Variants in ACP7 observed in about 807,000 individuals in gnomAD.
ACP7 encodes the protein acid phosphatase type 7.
In ACP7, 58 loss-of-function variants were observed where a neutral mutation model predicts 60.6. The ratio of observed to expected loss-of-function variants is 0.96; its 90% CI spans 0.77 to 1.19. The LOEUF (loss-of-function observed/expected upper bound fraction) is 1.19, where lower values mean the gene tolerates loss of function less well. ACP7 is among the 50% of genes most tolerant of loss of function. The pLI is 0.00. For synonymous variants in ACP7, 237 were observed against 232.6 expected (o/e 1.02, Z -0.17); for missense variants, 574 against 596.2 (o/e 0.96, Z 0.39).
upstream of ACP7, among the ~76,000 whole-genome samples, chr19:39,084,130 C>T (rs1252873689): frequency 6.6e-6 from 1 of 151,982 alleles, no homozygotes; most frequent in African/African-American, 2.4e-5. Flanking sequence ...GGTGGCGCGC[C>T]GGAGACGTAT....
rs753551118 is a variant in ACP7, at chr19:39,085,269, C to G, written c.-1C>G. On this transcript the variant is annotated 5_prime_UTR_variant, in exon 2 of 13. Coordinates refer to ENST00000331256, the MANE Select transcript of ACP7 (RefSeq NM_001004318.3). ...CGGTCTGCCATCACCACCCCACCAC[C>G]ATGCACCCCCTTCCTGGCTACTGGT... 5.0e-6 allele frequency: 8 copies of G among 1,611,920 alleles called. 1 individual carries two copies. The South Asian group carries it at 8.8e-5, about 18-fold the overall frequency.
At chr19:39,108,038 G>A (rs2073430366) in intron 12 of ACP7, among the ~76,000 whole-genome samples, 1 of 152,068 alleles carries the variant, frequency 6.6e-6, no homozygotes, top group Admixed American at 6.6e-5. Context: ...GCAACAGAGT[G>A]AGACCCTAAC....
intron 12 of ACP7, among the ~76,000 whole-genome samples, chr19:39,107,576 C>T (rs1375726908): frequency 1.5e-5 from 1 of 65,434 alleles, no homozygotes; most frequent in East Asian, 3.5e-4. Context: ...AAGACTCTGT[C>T]TCAAAAAAAA....
rs11670186 is a variant in ACP7, at chr19:39,110,530, G to A, written c.*412G>A. 0.21 allele frequency: 35,512 copies of A among 167,556 alleles called. 4,663 individuals are homozygous for A. The highest frequency in any genetic ancestry group is 0.41 in the East Asian group (2,342 of 5,742). 10.4% of individuals were successfully genotyped at this position (167,556 alleles called of 1,614,324 possible). ...ACCTGGCAAGGGCATCGCCAGGTGGGCACAACCGTCATGACACTACTCACC... is the reference window on the plus strand; with the variant it reads ...ACCTGGCAAGGGCATCGCCAGGTGGACACAACCGTCATGACACTACTCACC... On this transcript the variant is annotated 3_prime_UTR_variant, in exon 13 of 13. Coordinates refer to ENST00000331256, the MANE Select transcript of ACP7 (RefSeq NM_001004318.3).
chr19:39,099,013 C>T lies in ACP7; in HGVS notation c.376C>T (p.Leu126Phe). The stretch of plus-strand genomic sequence containing the variant: ...GAGCCGTCGGTTCCGCTTCAGGGCC[C>T]TCAAGAATGGGGCCCACTGGAGTCC... ...GWSRRFRFRA[L>F]KNGAHWSPRL... The change falls in exon 4 of 13, where the codon CTC (leucine) becomes TTC (phenylalanine). Residue 126 changes from leucine to phenylalanine, a missense_variant. By Grantham distance (22) the Leu-to-Phe change is conservative. Coordinates refer to ENST00000331256, the MANE Select transcript of ACP7 (RefSeq NM_001004318.3). 2 of 1,613,692 alleles carry T rather than the reference C, an allele frequency of 1.2e-6. No individual in the cohort carries two copies. Among genetic ancestry groups the T allele is most frequent in the South Asian group, 1.1e-5 (1 of 91,072 alleles).
At chr19:39,106,126 CCT>C (rs2073408615) in intron 11 of ACP7, among the ~76,000 whole-genome samples, 1 of 152,184 alleles carries the variant, frequency 6.6e-6, no homozygotes, top group Admixed American at 6.6e-5. Flanking sequence ...ACCCTGGCAT[CCT>C]CTCTGCTCCT....
rs979320021 is a variant in ACP7 at position 39,099,247 on chromosome 19, C to G, written c.505+105C>G. 25 of 1,245,558 alleles carry G rather than the reference C, an allele frequency of 2.0e-5. No homozygotes were observed. The African/African-American group carries it at 2.7e-4, about 14-fold the overall frequency. The allele number at this position is 1,245,558 out of a possible 1,614,324, so 77.2% of individuals were successfully genotyped here. ...CGCGGGTCGGGGGCGGTGCTAGGACCGTGGAGGGGACAGGGCTGGGGCCAG... is the reference window on the plus strand; with the variant it reads ...CGCGGGTCGGGGGCGGTGCTAGGACGGTGGAGGGGACAGGGCTGGGGCCAG... On this transcript the variant is annotated intron_variant, in intron 4 of 12. Coordinates refer to ENST00000331256, the MANE Select transcript of ACP7 (RefSeq NM_001004318.3).
Position 39,110,379 on chromosome 19 carries a change from C to A in ACP7, c.*261C>A. 1 of 516,470 alleles carries A rather than the reference C, an allele frequency of 1.9e-6. No homozygotes were observed. The highest frequency in any genetic ancestry group is 3.5e-6 in the Non-Finnish European group (1 of 289,186). 32.0% of individuals were successfully genotyped at this position (516,470 alleles called of 1,614,324 possible). ...GCAGGTTTCTGCTGGCAGGGCCCCA[C>A]CCTCCTGCATAGCTCTGATCGGGCG... On this transcript the variant is annotated 3_prime_UTR_variant, in exon 13 of 13. Transcript: ENST00000331256.
At chr19:39,093,049 A>T (rs1326663638) in intron 2 of ACP7, among the ~76,000 whole-genome samples, 1 of 151,652 alleles carries the variant, frequency 6.6e-6, no homozygotes, top group Non-Finnish European at 1.5e-5. Flanking sequence ...AAGTGCTGGG[A>T]TTACAGGCGT....
At chr19:39,108,058 A>T (rs1027660140) in intron 12 of ACP7, among the ~76,000 whole-genome samples, 1 of 152,096 alleles carries the variant, frequency 6.6e-6, no homozygotes, top group Admixed American at 6.6e-5. Context: ...CTCAAAACAA[A>T]AAAACGAACA....
chr19:39,096,085 T>C (rs1177730940), intron 2 of ACP7, among the ~76,000 whole-genome samples: 1 of 152,200 alleles, frequency 6.6e-6, no homozygotes, highest in Non-Finnish European at 1.5e-5. Context: ...GCCCTGGAGA[T>C]ATTTTCCCCA....
At chr19:39,088,856 C>T (rs2144965018) in intron 2 of ACP7, among the ~76,000 whole-genome samples, 1 of 152,286 alleles carries the variant, frequency 6.6e-6, no homozygotes, top group East Asian at 1.9e-4. Context: ...AGGGATTCTC[C>T]TGCCTCAGCC....
In ACP7 at chr19:39,110,172, G is replaced by T; in HGVS notation, c.*54G>T. 1 of 1,539,278 alleles carries T rather than the reference G, an allele frequency of 6.5e-7. No homozygotes were observed. The highest frequency in any genetic ancestry group is 1.1e-5 in the South Asian group (1 of 88,902). ...TAGGTTTTGCCGCCTTGGCTGCTGT[G>T]ACCAGAAACTGCCCAGGCCTGGGTG... On this transcript the variant is annotated 3_prime_UTR_variant, in exon 13 of 13. Coordinates refer to ENST00000331256, the MANE Select transcript of ACP7 (RefSeq NM_001004318.3).
At chr19:39,097,964 C>T (rs540082317) in intron 2 of ACP7, among the ~76,000 whole-genome samples, 1 of 152,048 alleles carries the variant, frequency 6.6e-6, no homozygotes, top group Admixed American at 6.6e-5. Flanking sequence ...GAAAGCTCAG[C>T]TTAGAAATGG....
chr19:39,101,301 G>A lies in ACP7; in HGVS notation c.987G>A (p.Gln329=). Residue 329 remains glutamine (Q), a synonymous_variant, in exon 10 of 13, where the codon CAG becomes CAA. Transcript: ENST00000331256. ...GCTCTATCTCAGGAGTGGATCTGCA[G>A]CTGTGGGCTCATGAGCACTCGTATG... ...DLFYKYGVDL[Q]LWAHEHSYER... 1 of 1,614,204 alleles carries A rather than the reference G, an allele frequency of 6.2e-7. No individual in the cohort carries two copies. The highest frequency in any genetic ancestry group is 8.5e-7 in the Non-Finnish European group (1 of 1,180,040).
chr19:39,100,012 A>G (rs938198182), intron 4 of ACP7, among the ~76,000 whole-genome samples: 1 of 151,304 alleles, frequency 6.6e-6, no homozygotes, highest in African/African-American at 2.4e-5. Context: ...AAAAAAAAAA[A>G]AAAGTGCCCA....
chr19:39,093,556 T>C (rs1262197163), intron 2 of ACP7, among the ~76,000 whole-genome samples: 2 of 151,968 alleles, frequency 1.3e-5, no homozygotes, highest in African/African-American at 4.8e-5. Context: ...GCCCAGCTAA[T>C]TTTTGCATTT....
intron 11 of ACP7, among the ~76,000 whole-genome samples, chr19:39,105,684 C>G (rs2145038232): frequency 6.6e-6 from 1 of 152,032 alleles, no homozygotes; most frequent in Non-Finnish European, 1.5e-5. Flanking sequence ...CCACGCCCAG[C>G]TAATTTTTGT....
intron 4 of ACP7, among the ~76,000 whole-genome samples, chr19:39,099,852 G>T (rs1157861272): frequency 6.6e-6 from 1 of 151,840 alleles, no homozygotes; most frequent in South Asian, 2.1e-4. Flanking sequence ...AATTAGCCAG[G>T]TGTGGTGGCA....
Sources: gnomAD v4.1 joint callset for allele counts (sites outside exome capture counted in the v4.1 genomes callset) on GRCh38, gnomAD v4.1.1 for gene constraint, MANE v1.5 for transcripts, NCBI Gene and HGNC (gene_info 2026-07-23, HGNC 2026-07-21) for gene names.